The following RBFOX1 variants were observed in gnomAD, a reference collection of about 807,000 sequenced individuals.
RBFOX1 encodes RNA binding fox-1 homolog 1.
Under a neutral mutation model 57.7 loss-of-function variants are expected in RBFOX1, and 8 were observed. The observed-to-expected ratio is 0.14, with a 90% CI of 0.08 to 0.25. The LOEUF is 0.25. RBFOX1 is among the 10% of genes least tolerant of loss of function. RBFOX1 has a pLI of 1.00. For missense variants in RBFOX1, 611 were observed against 548.5 expected, an observed-to-expected ratio of 1.11 and a Z score of -1.14; for synonymous variants, 326 against 222.4, an observed-to-expected ratio of 1.47 and a Z score of -4.15.
chr16:7,244,247 CAAAA>C (rs60054791), intron 4 of RBFOX1, among the ~76,000 whole-genome samples: 17,161 of 99,320 alleles, frequency 0.17, 1,124 homozygotes, highest in Non-Finnish European at 0.2. Flanking sequence ...CAAAGTATTC[CAAAA>C]AAAAAAAAAA....
In RBFOX1 at chr16:7,649,925, G is replaced by C. The variant is rs56774139; in HGVS notation, c.758-3890G>C. ...ACTGAAAGGAAGGATTGTAATGAAG[G>C]CAGGAATTAATAAAGAAATGAAGGG... On this transcript the variant is annotated intron_variant, in intron 11 of 15. Transcript: ENST00000550418. Among the ~76,000 whole-genome samples, 888 of 151,972 alleles carry C rather than the reference G, an allele frequency of 5.8e-3. 9 individuals are homozygous for C. Among genetic ancestry groups the C allele is most frequent in the African/African-American group, 0.021 (851 of 41,410 alleles).
At chr16:6,654,555 T>A (rs12925606) in intron 2 of RBFOX1, 48 bp from the exon 3 acceptor site, 305,930 of 1,414,012 alleles carry the variant, frequency 0.22, 33,995 homozygotes, top group Middle Eastern at 0.24. Context: ...ACCATAAGTC[T>A]GACTCCTGTT....
rs573120023 is a variant in RBFOX1, at chr16:6,253,758, T to C, written c.-126-63237T>C. Among the ~76,000 whole-genome samples the C allele has an allele frequency of 2.0e-5, 3 of 151,544 alleles. No individual in the cohort carries two copies. The South Asian group carries it at 6.3e-4, about 32-fold the overall frequency. The stretch of plus-strand genomic sequence containing the variant: ...TACCTGTATCCATATCTATATAAAT[T>C]TGGAATTCAAAATTGTGCTGTCTTT... On this transcript the variant is annotated intron_variant, in intron 1 of 15. Coordinates refer to ENST00000550418, the MANE Select transcript of RBFOX1 (RefSeq NM_018723.4).
chr16:6,907,551 C>T (rs1320436294), intron 3 of RBFOX1, among the ~76,000 whole-genome samples: 1 of 151,946 alleles, frequency 6.6e-6, no homozygotes, highest in Non-Finnish European at 1.5e-5. Context: ...TCTCTCTTAG[C>T]TTCTGTTTTT....
At position 6,923,800 on chromosome 16, in the gene RBFOX1, C is replaced by T. The variant is rs532709819; in HGVS notation, c.-15-128257C>T. On this transcript the variant is annotated intron_variant, in intron 3 of 15. Transcript: ENST00000550418. Reference sequence around the variant, plus strand: ...ATTTTGGAGTCCAATAAAGGATTTGCCACCTTCTAGCCATGAAACTTCAGG... The same window carrying T: ...ATTTTGGAGTCCAATAAAGGATTTGTCACCTTCTAGCCATGAAACTTCAGG... 3.9e-5 allele frequency among the ~76,000 whole-genome samples: 6 copies of T among 152,216 alleles called. 1 individual carries two copies. In the East Asian group the frequency reaches 1.2e-3, roughly 29 times the overall value.
chr16:6,665,680 AT>A (rs1220727987), intron 3 of RBFOX1, among the ~76,000 whole-genome samples: 4 of 151,266 alleles, frequency 2.6e-5, no homozygotes, highest in Admixed American at 2.0e-4. Flanking sequence ...CTTGACTGAT[AT>A]TTTTTTTCCA....
chr16:6,446,283 G>A (rs372281062), intron 2 of RBFOX1, among the ~76,000 whole-genome samples: 7 of 152,268 alleles, frequency 4.6e-5, no homozygotes, highest in African/African-American at 1.7e-4. Context: ...GATGACAGGC[G>A]TGAGCCACCA....
At chr16:5,953,601 C>G (rs137969763) in intron 4 of RBFOX1, among the ~76,000 whole-genome samples, 13 of 152,080 alleles carry the variant, frequency 8.5e-5, no homozygotes, top group African/African-American at 2.9e-4. Flanking sequence ...GTTTGGTCTT[C>G]CATTCCTGAG....
chr16:6,710,107 C>G (rs185986178), intron 3 of RBFOX1, among the ~76,000 whole-genome samples: 2 of 152,136 alleles, frequency 1.3e-5, no homozygotes, highest in East Asian at 3.9e-4. Flanking sequence ...GGAACCACAG[C>G]AAAAATACCA....
intron 3 of RBFOX1, among the ~76,000 whole-genome samples, chr16:5,676,338 T>G (rs2050168996): frequency 6.6e-6 from 1 of 152,190 alleles, no homozygotes; most frequent in African/African-American, 2.4e-5. Flanking sequence ...TATCACTTAT[T>G]AAGGTAACTT....
At chr16:6,077,171 G>A (rs1192678064) in intron 1 of RBFOX1, among the ~76,000 whole-genome samples, 2 of 152,148 alleles carry the variant, frequency 1.3e-5, no homozygotes, top group Non-Finnish European at 1.5e-5. Flanking sequence ...AGACACCAAA[G>A]TTCAGCCTCT....
Position 7,078,417 on chromosome 16 carries a change from G to C in RBFOX1, c.27+26319G>C, listed in dbSNP as rs137908004. ...GTCTGGAGTGCAGTGGCACGATCTT[G>C]GCTCACTGAAACCTCCGCCTCCCGG... On this transcript the variant is annotated intron_variant, in intron 4 of 15. Transcript: ENST00000550418. 5.3e-3 allele frequency among the ~76,000 whole-genome samples: 801 copies of C among 152,230 alleles called. 8 individuals carry two copies. Among genetic ancestry groups the C allele is most frequent in the African/African-American group, 0.018 (757 of 41,550 alleles).
chr16:5,843,524 T>G (rs1371174939), intron 3 of RBFOX1, among the ~76,000 whole-genome samples: 1 of 152,210 alleles, frequency 6.6e-6, no homozygotes, highest in Non-Finnish European at 1.5e-5. Context: ...CCATATATGT[T>G]CCACATTTTC....
At chr16:5,635,266 T>G (rs937871302) in intron 3 of RBFOX1, among the ~76,000 whole-genome samples, 20 of 152,218 alleles carry the variant, frequency 1.3e-4, no homozygotes, top group African/African-American at 4.8e-4. Context: ...ACTGAATAAA[T>G]TGAATAAATA....
intron 1 of RBFOX1, among the ~76,000 whole-genome samples, chr16:6,094,457 C>T (rs925109291): frequency 7.2e-5 from 11 of 152,296 alleles, no homozygotes; most frequent in Admixed American, 2.0e-4. Context: ...TAATCACTCT[C>T]TAAAGTCACC....
At chr16:6,716,705 T>C (rs2154157016) in intron 3 of RBFOX1, among the ~76,000 whole-genome samples, 1 of 152,332 alleles carries the variant, frequency 6.6e-6, no homozygotes, top group Middle Eastern at 3.4e-3. Flanking sequence ...GCCTTGATGT[T>C]TGGTTCACCA....
chr16:6,598,714 G>A (rs927442292), intron 2 of RBFOX1, among the ~76,000 whole-genome samples: 1 of 152,180 alleles, frequency 6.6e-6, no homozygotes, highest in Non-Finnish European at 1.5e-5. Context: ...TTGGGTGGCT[G>A]AGGCAGGCAG....
intron 4 of RBFOX1, among the ~76,000 whole-genome samples, chr16:7,140,452 G>A (rs1402513489): frequency 6.6e-6 from 1 of 151,698 alleles, no homozygotes; most frequent in Non-Finnish European, 1.5e-5. Flanking sequence ...CAAATATGTA[G>A]TTTTGTAAGG....
chr16:6,693,105 C>G (rs1222415321), intron 3 of RBFOX1, among the ~76,000 whole-genome samples: 2 of 139,584 alleles, frequency 1.4e-5, no homozygotes, highest in African/African-American at 5.0e-5. Context: ...CATCATCATC[C>G]TCATCCTCCC....
Sources: allele counts gnomAD v4.1 joint callset (sites outside exome capture counted in the v4.1 genomes callset), GRCh38; gene constraint gnomAD v4.1.1; transcripts MANE v1.5; gene names NCBI Gene and HGNC (gene_info 2026-07-23, HGNC 2026-07-21).